The following ARK2C variants were observed in gnomAD, a reference collection of about 807,000 sequenced individuals.
ARK2C encodes the protein arkadia (RNF111) C-terminal like ring finger ubiquitin ligase 2C.
chr18:46,409,509 T>C, the ARK2C span, among the ~76,000 whole-genome samples: 1 of 152,176 alleles, frequency 6.6e-6, no homozygotes, highest in African/African-American at 2.4e-5. Flanking sequence ...AGAAGAGACG[T>C]CTGACTCTGA....
chr18:46,402,499 G>A, the ARK2C span, among the ~76,000 whole-genome samples: 2 of 151,980 alleles, frequency 1.3e-5, no homozygotes, highest in African/African-American at 4.8e-5. Context: ...ACTTTAACTG[G>A]GCTTTCTACA....
At chr18:46,441,110 C>T in the ARK2C span, among the ~76,000 whole-genome samples, 1 of 152,188 alleles carries the variant, frequency 6.6e-6, no homozygotes, top group Non-Finnish European at 1.5e-5. Flanking sequence ...CTCAGCCTCC[C>T]AAGTAGCTGG....
the ARK2C span, among the ~76,000 whole-genome samples, chr18:46,415,399 G>A: frequency 2.0e-5 from 3 of 152,034 alleles, no homozygotes; most frequent in Admixed American, 2.0e-4. Context: ...AGTGGTGGGC[G>A]CCTATAGTCC....
the ARK2C span, among the ~76,000 whole-genome samples, chr18:46,374,406 C>T: frequency 6.6e-6 from 1 of 152,154 alleles, no homozygotes; most frequent in East Asian, 1.9e-4. Flanking sequence ...CCCCATTAAA[C>T]ACGAACTCCC....
chr18:46,390,841 G>A, the ARK2C span, among the ~76,000 whole-genome samples: 1 of 152,264 alleles, frequency 6.6e-6, no homozygotes, highest in African/African-American at 2.4e-5. Flanking sequence ...GGATATTAAT[G>A]CCTCATGGGG....
At chr18:46,431,288 G>C in the ARK2C span, among the ~76,000 whole-genome samples, 1 of 152,084 alleles carries the variant, frequency 6.6e-6, no homozygotes, top group African/African-American at 2.4e-5. Context: ...TCAAACGACC[G>C]ATCACTCTTA....
chr18:46,398,970 G>A, the ARK2C span, among the ~76,000 whole-genome samples: 25 of 152,092 alleles, frequency 1.6e-4, no homozygotes, highest in Non-Finnish European at 2.9e-5. Context: ...CTTGTTAAAG[G>A]GCAGGCTCCT....
At chr18:46,441,270 G>A in the ARK2C span, among the ~76,000 whole-genome samples, 1 of 152,202 alleles carries the variant, frequency 6.6e-6, no homozygotes, top group South Asian at 2.1e-4. Context: ...GGGATTACAG[G>A]TGTGAGCCAC....
chr18:46,400,736 G>C, the ARK2C span, among the ~76,000 whole-genome samples: 4 of 152,110 alleles, frequency 2.6e-5, no homozygotes, highest in African/African-American at 9.7e-5. Flanking sequence ...CCCTAGGTCT[G>C]AATAGCCTAA....
At chr18:46,383,550 GT>G in the ARK2C span, among the ~76,000 whole-genome samples, 13,010 of 97,688 alleles carry the variant, frequency 0.13, 215 homozygotes, top group East Asian at 0.21. Context: ...GGTTTTCTCT[GT>G]TTTTTTTTTT....
the ARK2C span, among the ~76,000 whole-genome samples, chr18:46,404,688 G>C: frequency 6.6e-6 from 1 of 152,056 alleles, no homozygotes; most frequent in African/African-American, 2.4e-5. Context: ...GGGAGGTTGA[G>C]GTTGTAGTGA....
At chr18:46,447,652 G>A in the ARK2C span, 24 of 1,613,886 alleles carry the variant, frequency 1.5e-5, no homozygotes, top group Admixed American at 3.2e-4. Context: ...GCCACTCCTC[G>A]AATGCACCAC....
At chr18:46,383,796 C>T in the ARK2C span, among the ~76,000 whole-genome samples, 1 of 152,040 alleles carries the variant, frequency 6.6e-6, no homozygotes, top group South Asian at 2.1e-4. Flanking sequence ...CGTGATCCGC[C>T]CACCTTGGCC....
the ARK2C span, among the ~76,000 whole-genome samples, chr18:46,395,300 G>A: frequency 6.6e-6 from 1 of 152,308 alleles, no homozygotes; most frequent in African/African-American, 2.4e-5. Flanking sequence ...CCAGGGACTG[G>A]CCCAGAGACT....
the ARK2C span, among the ~76,000 whole-genome samples, chr18:46,439,961 G>C: frequency 1.3e-5 from 2 of 152,328 alleles, no homozygotes; most frequent in East Asian, 3.9e-4. Context: ...CTCCTGAGTA[G>C]CTGGGACTAC....
the ARK2C span, among the ~76,000 whole-genome samples, chr18:46,358,085 G>A: frequency 0.85 from 128,848 of 152,194 alleles, 54,693 homozygotes; most frequent in East Asian, 0.99. Context: ...CAAAGACCCT[G>A]TTTCCAAATA....
the ARK2C span, among the ~76,000 whole-genome samples, chr18:46,337,841 A>G: frequency 1.1e-4 from 16 of 149,256 alleles, no homozygotes; most frequent in African/African-American, 3.7e-4. Context: ...GGTGACTTTA[A>G]TCTCATTTAG....
the ARK2C span, among the ~76,000 whole-genome samples, chr18:46,382,833 C>G: frequency 1.3e-5 from 2 of 152,218 alleles, no homozygotes; most frequent in African/African-American, 4.8e-5. Flanking sequence ...CAAGGTCTGG[C>G]ATCTGAGCAG....
chr18:46,350,062 A>G, the ARK2C span, among the ~76,000 whole-genome samples: 1 of 152,174 alleles, frequency 6.6e-6, no homozygotes, highest in Non-Finnish European at 1.5e-5. Flanking sequence ...CTCACCACTC[A>G]CATACATGTA....
Sources: allele counts gnomAD v4.1 joint callset (sites outside exome capture counted in the v4.1 genomes callset), GRCh38; gene constraint gnomAD v4.1.1; transcripts MANE v1.5; gene names NCBI Gene and HGNC (gene_info 2026-07-23, HGNC 2026-07-21).